Variants in AGTPBP1 observed in about 807,000 individuals in gnomAD.
AGTPBP1 encodes cytosolic carboxypeptidase 1.
Under a neutral mutation model 143.9 loss-of-function variants are expected in AGTPBP1, and 70 were observed. The ratio of observed to expected loss-of-function variants is 0.49; its 90% confidence interval spans 0.40 to 0.59. The LOEUF is 0.59. Among genes scored for constraint, AGTPBP1 ranks in the 20% least tolerant of loss-of-function variants. AGTPBP1 has a pLI of 0.00. For missense variants in AGTPBP1, 1,229 were observed against 1,464.5 expected (o/e 0.84, Z 2.62); for synonymous variants, 463 against 500.2 (o/e 0.93, Z 0.99).
upstream of AGTPBP1, among the ~76,000 whole-genome samples, chr9:85,742,263 C>T (rs150380663): frequency 2.5e-3 from 380 of 152,232 alleles, 2 homozygotes; most frequent in Non-Finnish European, 4.0e-3. Flanking sequence ...CCCTCCGTAC[C>T]GAACTGCGAG....
At chr9:85,750,312 TAGGG>T in the AGTPBP1 span, among the ~76,000 whole-genome samples, 5 of 152,210 alleles carry the variant, frequency 3.3e-5, no homozygotes, top group African/African-American at 4.8e-5. Context: ...GAACTAGAAC[TAGGG>T]AAGCATCAAG....
chr9:85,587,393 G>C (rs1278630021), intron 21 of AGTPBP1, among the ~76,000 whole-genome samples: 1 of 152,020 alleles, frequency 6.6e-6, no homozygotes, highest in Admixed American at 6.6e-5. Flanking sequence ...AGAAAGACAA[G>C]TATATGAAAA....
chr9:85,748,745 T>G, the AGTPBP1 span, among the ~76,000 whole-genome samples: 1 of 152,226 alleles, frequency 6.6e-6, no homozygotes. Context: ...AATTTTCATT[T>G]CTTCTGCCAA....
At chr9:85,553,178 C>T (rs566186100) in intron 25 of AGTPBP1, among the ~76,000 whole-genome samples, 1 of 152,128 alleles carries the variant, frequency 6.6e-6, no homozygotes, top group Non-Finnish European at 1.5e-5. Flanking sequence ...TACATGCATA[C>T]ACACACATAA....
chr9:85,796,628 CAA>C, the AGTPBP1 span, among the ~76,000 whole-genome samples: 10 of 152,004 alleles, frequency 6.6e-5, no homozygotes, highest in African/African-American at 2.4e-4. Flanking sequence ...CCACATCAAA[CAA>C]TGCACAGTGA....
chr9:85,650,657 G>A (rs1291318263), intron 11 of AGTPBP1, among the ~76,000 whole-genome samples: 1 of 152,042 alleles, frequency 6.6e-6, no homozygotes, highest in African/African-American at 2.4e-5. Context: ...GTTGTTTTAG[G>A]GTCAAGTCTG....
intron 17 of AGTPBP1, among the ~76,000 whole-genome samples, chr9:85,605,192 T>G (rs11507197): frequency 0.018 from 2,813 of 152,066 alleles, 95 homozygotes; most frequent in African/African-American, 0.064. Context: ...CATTTAATAA[T>G]CAAACTCCTA....
chr9:85,756,282 T>C, the AGTPBP1 span: 1 of 1,527,494 alleles, frequency 6.5e-7, no homozygotes, highest in South Asian at 1.3e-5. Flanking sequence ...TTGATTCTGG[T>C]TGTAAACCAC....
intron 17 of AGTPBP1, among the ~76,000 whole-genome samples, chr9:85,615,083 C>T (rs528913152): frequency 2.0e-5 from 3 of 152,160 alleles, no homozygotes; most frequent in East Asian, 3.9e-4. Flanking sequence ...CTTTGGAGAA[C>T]GAATGAATTT....
At chr9:85,777,008 T>C in the AGTPBP1 span, among the ~76,000 whole-genome samples, 5 of 152,218 alleles carry the variant, frequency 3.3e-5, no homozygotes, top group East Asian at 5.8e-4. Context: ...TGTCATGTAA[T>C]TGGTGTTGTA....
At chr9:85,700,771 C>A (rs1171906347) in intron 2 of AGTPBP1, among the ~76,000 whole-genome samples, 1 of 152,142 alleles carries the variant, frequency 6.6e-6, no homozygotes, top group Non-Finnish European at 1.5e-5. Context: ...AAAAGCAGAG[C>A]CATTCTGCCA....
intron 22 of AGTPBP1, among the ~76,000 whole-genome samples, chr9:85,586,547 A>G (rs1403146021): frequency 6.6e-6 from 1 of 152,222 alleles, no homozygotes; most frequent in Non-Finnish European, 1.5e-5. Flanking sequence ...GAACTCAGAA[A>G]TAAGCTTCTA....
intron 17 of AGTPBP1, among the ~76,000 whole-genome samples, chr9:85,607,507 T>C (rs117064879): frequency 6.6e-5 from 10 of 152,112 alleles, no homozygotes; most frequent in Non-Finnish European, 1.5e-4. Context: ...ATGGAAAGCC[T>C]ATATCTGAGC....
At chr9:85,640,520 T>C (rs1204519567) in intron 13 of AGTPBP1, among the ~76,000 whole-genome samples, 1 of 152,192 alleles carries the variant, frequency 6.6e-6, no homozygotes, top group Non-Finnish European at 1.5e-5. Flanking sequence ...AGTAACTTAG[T>C]GAGAAGCTCT....
At chr9:85,726,487 T>C (rs1217433251) in intron 1 of AGTPBP1, among the ~76,000 whole-genome samples, 2 of 152,210 alleles carry the variant, frequency 1.3e-5, no homozygotes, top group East Asian at 1.9e-4. Context: ...AGTGTGAGAA[T>C]AGGGCCAAAG....
intron 3 of AGTPBP1, among the ~76,000 whole-genome samples, chr9:85,689,693 G>C (rs1835716307): frequency 6.6e-6 from 1 of 151,486 alleles, no homozygotes; most frequent in African/African-American, 2.4e-5. Context: ...TCAAGAGTTT[G>C]AGACCAGCCT....
Position 85,623,285 on chromosome 9 carries a change from TA to T in AGTPBP1, c.2016-2001del, listed in dbSNP as rs562025281. On this transcript the variant is annotated intron_variant, in intron 14 of 25. Transcript: ENST00000357081. ...AAATTTTAAAGGCTGGCAATTGGTT[TA>T]AAAAAAAAAATGCCACTCTGCAAGT... is the stretch of plus-strand genomic sequence containing the variant. Among the ~76,000 whole-genome samples, 1,399 of 147,310 alleles carry T rather than the reference TA, an allele frequency of 9.5e-3. 21 individuals carry two copies. Among genetic ancestry groups the T allele is most frequent in the African/African-American group, 0.033 (1,327 of 40,488 alleles).
At position 85,672,601 on chromosome 9, in the gene AGTPBP1, G is replaced by T. The variant is rs766225694; in HGVS notation, c.517C>A (p.His173Asn). 1 of 1,613,146 alleles carries T rather than the reference G, an allele frequency of 6.2e-7. No individual in the cohort carries two copies. The highest frequency in any genetic ancestry group is 8.5e-7 in the Non-Finnish European group (1 of 1,179,852). Residue 173 changes from histidine (H) to asparagine (N), a missense_variant, in exon 7 of 26, where the codon CAT becomes AAT. His to Asn is a moderately conservative substitution (Grantham distance 68). Transcript: ENST00000357081. Reference sequence around the variant, plus strand: ...TGAAGGCAAGGTAGAACCAAGCGATGATTCTGCAAATTCTGCTTGACCAAA... The same window carrying T: ...TGAAGGCAAGGTAGAACCAAGCGATTATTCTGCAAATTCTGCTTGACCAAA... ...LNLVKQNLQN[H>N]RLVLPCLQLL...
At chr9:85,575,696 TTC>T (rs1389825158) in intron 24 of AGTPBP1, among the ~76,000 whole-genome samples, 11 of 152,218 alleles carry the variant, frequency 7.2e-5, no homozygotes, top group Non-Finnish European at 2.9e-5. Flanking sequence ...AAAATGTCTA[TTC>T]TCTTTCACTA....
Sources: gnomAD v4.1 joint callset for allele counts (sites outside exome capture counted in the v4.1 genomes callset) on GRCh38, gnomAD v4.1.1 for gene constraint, MANE v1.5 for transcripts, NCBI Gene and HGNC (gene_info 2026-07-23, HGNC 2026-07-21) for gene names.